Variants in CNTNAP2 observed in about 807,000 individuals in gnomAD.
The protein encoded by CNTNAP2 is contactin-associated protein-like 2.
CNTNAP2 carries 98 observed loss-of-function variants against 155.2 expected under a neutral mutation model. The ratio of observed to expected loss-of-function variants is 0.63; its 90% CI spans 0.54 to 0.75. CNTNAP2 has a LOEUF of 0.75. Ranked by LOEUF, CNTNAP2 falls within the 30% of genes least tolerant of loss-of-function variation. The pLI is 0.00. For missense variants in CNTNAP2, 1,727 were observed against 1,688.1 expected, an observed-to-expected ratio of 1.02 and a Z score of -0.40; for synonymous variants, 651 against 631.2, an observed-to-expected ratio of 1.03 and a Z score of -0.47.
At chr7:146,708,588 AT>A (rs71165029) in intron 1 of CNTNAP2, among the ~76,000 whole-genome samples, 39 of 63,968 alleles carry the variant, frequency 6.1e-4, no homozygotes, top group Admixed American at 2.5e-3. Flanking sequence ...AAAAAAAGTG[AT>A]TTTTTTTTTT....
At chr7:147,849,653 T>G (rs12154890) in intron 13 of CNTNAP2, among the ~76,000 whole-genome samples, 13,156 of 152,248 alleles carry the variant, frequency 0.086, 776 homozygotes, top group Admixed American at 0.15. Context: ...TGTTCTATTG[T>G]CTTGGACAAT....
chr7:146,443,255 A>AATAAATAG (rs1365786551), intron 1 of CNTNAP2, among the ~76,000 whole-genome samples: 93 of 150,546 alleles, frequency 6.2e-4, no homozygotes, highest in African/African-American at 2.1e-3. Context: ...TAAATAAATA[A>AATAAATAG]ATAGATAAAT....
At chr7:147,352,176 T>C (rs1048683673) in intron 9 of CNTNAP2, among the ~76,000 whole-genome samples, 1 of 151,962 alleles carries the variant, frequency 6.6e-6, no homozygotes, top group Non-Finnish European at 1.5e-5. Context: ...ATTTGAAATA[T>C]GTATATAATT....
At chr7:147,161,531 T>C (rs2116455092) in intron 8 of CNTNAP2, 1 of 152,276 alleles carries the variant, frequency 6.6e-6, no homozygotes, top group South Asian at 2.1e-4. Context: ...CCCAGTGGTT[T>C]TCCCTAAGAA....
At chr7:147,071,684 T>C (rs7777098) in intron 4 of CNTNAP2, among the ~76,000 whole-genome samples, 16,556 of 152,096 alleles carry the variant, frequency 0.11, 2,426 homozygotes, top group African/African-American at 0.34. Context: ...GTGAGACATG[T>C]GGAAAAGAAG....
At chr7:147,447,808 A>G (rs1449167341) in intron 10 of CNTNAP2, among the ~76,000 whole-genome samples, 2 of 151,678 alleles carry the variant, frequency 1.3e-5, no homozygotes, top group Non-Finnish European at 2.9e-5. Context: ...TATATAGTAT[A>G]TATAGTATAT....
chr7:147,998,949 T>C (rs550820707), intron 15 of CNTNAP2, among the ~76,000 whole-genome samples: 9 of 152,376 alleles, frequency 5.9e-5, no homozygotes, highest in South Asian at 4.1e-4. Context: ...TCTATGCCTA[T>C]GTAGTTTTTT....
At chr7:146,392,672 A>AT (rs1454532637) in intron 1 of CNTNAP2, among the ~76,000 whole-genome samples, 1 of 152,032 alleles carries the variant, frequency 6.6e-6, no homozygotes, top group Non-Finnish European at 1.5e-5. Flanking sequence ...ACAAGAATAT[A>AT]TTTTTTCTTC....
chr7:147,611,360 A>G (rs971756320), intron 12 of CNTNAP2, among the ~76,000 whole-genome samples: 5 of 152,176 alleles, frequency 3.3e-5, no homozygotes, highest in Admixed American at 2.6e-4. Flanking sequence ...CATAAACCAC[A>G]TCCCTACCCA....
chr7:146,601,482 G>T (rs557350501), intron 1 of CNTNAP2, among the ~76,000 whole-genome samples: 22 of 152,110 alleles, frequency 1.4e-4, no homozygotes, highest in African/African-American at 5.3e-4. Flanking sequence ...TTACTTGTAA[G>T]TTATCCTATG....
chr7:147,082,257 A>G (rs1227286359), intron 4 of CNTNAP2, among the ~76,000 whole-genome samples: 1 of 152,232 alleles, frequency 6.6e-6, no homozygotes, highest in African/African-American at 2.4e-5. Flanking sequence ...ACCAAAGAAT[A>G]GTTTAGGACC....
intron 23 of CNTNAP2, 140 bp from the exon 24 acceptor site, chr7:148,415,277 T>G: frequency 1.1e-6 from 1 of 889,414 alleles, no homozygotes; most frequent in Non-Finnish European, 1.8e-6. Context: ...CTTACTTCAT[T>G]TTTGTTATCT....
At chr7:148,063,728 GT>G (rs1282556938) in intron 15 of CNTNAP2, among the ~76,000 whole-genome samples, 1 of 151,790 alleles carries the variant, frequency 6.6e-6, no homozygotes, top group Non-Finnish European at 1.5e-5. Context: ...AAGCTTTTTA[GT>G]TTAATTAGGT....
intron 10 of CNTNAP2, among the ~76,000 whole-genome samples, chr7:147,482,340 T>C (rs964254524): frequency 6.6e-6 from 1 of 152,172 alleles, no homozygotes; most frequent in East Asian, 1.9e-4. Context: ...CAATTATATT[T>C]GAACAAGTTG....
At chr7:146,871,528 T>TA (rs952172163) in intron 3 of CNTNAP2, among the ~76,000 whole-genome samples, 12 of 150,054 alleles carry the variant, frequency 8.0e-5, no homozygotes, top group Non-Finnish European at 1.5e-4. Context: ...AGGCTCCGTC[T>TA]AAAAAAAAAT....
intron 14 of CNTNAP2, among the ~76,000 whole-genome samples, chr7:147,911,904 T>C (rs961250016): frequency 3.3e-5 from 5 of 152,234 alleles, no homozygotes; most frequent in African/African-American, 7.2e-5. Flanking sequence ...ATAACGCTGC[T>C]ACGAGCACGG....
chr7:147,011,925 G>A (rs1221873974), intron 3 of CNTNAP2, among the ~76,000 whole-genome samples: 1 of 152,110 alleles, frequency 6.6e-6, no homozygotes, highest in Non-Finnish European at 1.5e-5. Flanking sequence ...TTCCCCACCT[G>A]GGTCTACTAG....
At chr7:147,372,560 T>C (rs1331703960) in intron 9 of CNTNAP2, among the ~76,000 whole-genome samples, 1 of 152,156 alleles carries the variant, frequency 6.6e-6, no homozygotes, top group Admixed American at 6.6e-5. Flanking sequence ...TTCTGTAATT[T>C]AGTAAGTAAT....
intron 3 of CNTNAP2, among the ~76,000 whole-genome samples, chr7:146,857,197 A>G (rs1484325615): frequency 3.3e-5 from 5 of 150,280 alleles, no homozygotes; most frequent in African/African-American, 1.2e-4. Context: ...GGTGGTGGAA[A>G]AAGGAGAGAG....
Sources: gnomAD v4.1 joint callset for allele counts (sites outside exome capture counted in the v4.1 genomes callset) on GRCh38, gnomAD v4.1.1 for gene constraint, MANE v1.5 for transcripts, NCBI Gene and HGNC (gene_info 2026-07-23, HGNC 2026-07-21) for gene names.